The following POLA1 variants were observed in gnomAD, a reference collection of about 807,000 sequenced individuals.
POLA1 encodes the protein DNA polymerase alpha catalytic subunit.
A neutral mutation model predicts 124.0 loss-of-function variants in POLA1; 15 were observed. The observed-to-expected ratio is 0.12, with a 90% CI of 0.08 to 0.19. The LOEUF is 0.19. Among genes scored for constraint, POLA1 ranks in the 10% least tolerant of loss-of-function variants. The pLI is 1.00. For missense variants in POLA1, 886 were observed against 1,103.4 expected, an observed-to-expected ratio of 0.80 and a Z score of 2.79; for synonymous variants, 408 against 389.4, an observed-to-expected ratio of 1.05 and a Z score of -0.56.
chrX:24,743,212 C>G lies in POLA1; in HGVS notation c.2467-18C>G, dbSNP rs772765169. ...ATTAGTTGCTGGCTGGTGAAGTTAT[C>G]TTTCCATTTGATATTAGGGAGATGA... is the stretch of plus-strand genomic sequence containing the variant. On this transcript the variant is annotated intron_variant, in intron 22 of 36. Coordinates refer to ENST00000379068, the MANE Select transcript of POLA1 (RefSeq NM_001330360.2). 1.2e-6 allele frequency: 1 copy of G among 837,152 alleles called. No homozygotes were observed. The highest frequency in any genetic ancestry group is 1.7e-6 in the Non-Finnish European group (1 of 577,283). 69.0% of individuals were successfully genotyped at this position (837,152 alleles called of 1,213,427 possible).
intron 36 of POLA1, among the ~76,000 whole-genome samples, chrX:24,936,855 C>A (rs750434912): frequency 7.1e-5 from 8 of 112,117 alleles, no homozygotes; most frequent in Non-Finnish European, 1.1e-4. Flanking sequence ...CATCGAAAAA[C>A]TGTTGCTGAA....
chrX:24,992,637 T>G (rs1019240899), intron 36 of POLA1, among the ~76,000 whole-genome samples: 1 of 112,715 alleles, frequency 8.9e-6, no homozygotes, highest in Non-Finnish European at 1.9e-5. Flanking sequence ...CCTCGTGGTT[T>G]CTAGTTCAGT....
chrX:24,947,104 C>T (rs2047970421), intron 36 of POLA1, among the ~76,000 whole-genome samples: 1 of 110,520 alleles, frequency 9.0e-6, no homozygotes, highest in Non-Finnish European at 1.9e-5. Context: ...ATAAATCAAA[C>T]TGATGCTCAG....
At chrX:24,945,562 C>A (rs959587451) in intron 36 of POLA1, among the ~76,000 whole-genome samples, 2 of 111,955 alleles carry the variant, frequency 1.8e-5, no homozygotes, top group Non-Finnish European at 3.8e-5. Flanking sequence ...AGTTCTCAGT[C>A]TTCCATACTT....
At chrX:24,763,259 A>C (rs1932831204) in intron 26 of POLA1, among the ~76,000 whole-genome samples, 1 of 110,763 alleles carries the variant, frequency 9.0e-6, no homozygotes, top group Non-Finnish European at 1.9e-5. Context: ...GATTTAAGAG[A>C]AAAAGTATCA....
At chrX:24,886,195 T>C (rs1214377513) in intron 34 of POLA1, among the ~76,000 whole-genome samples, 2 of 111,827 alleles carry the variant, frequency 1.8e-5, no homozygotes, top group Non-Finnish European at 3.8e-5. Context: ...AGTCTTTATG[T>C]GTGTGGACCT....
intron 36 of POLA1, among the ~76,000 whole-genome samples, chrX:24,936,710 T>G (rs2047853117): frequency 9.0e-6 from 1 of 111,394 alleles, no homozygotes; most frequent in Non-Finnish European, 1.9e-5. Context: ...TTTTTGTGTT[T>G]TTAGTAGAGA....
chrX:24,868,576 G>A (rs182830275), intron 34 of POLA1, among the ~76,000 whole-genome samples: 78 of 111,812 alleles, frequency 7.0e-4, no homozygotes, highest in African/African-American at 2.5e-3. Flanking sequence ...AGGAAGCCTG[G>A]TTACCCACCA....
At chrX:24,743,433 C>T (rs1931797850) in intron 23 of POLA1, 104 bp downstream of exon 23, 1 of 400,497 alleles carries the variant, frequency 2.5e-6, no homozygotes. Flanking sequence ...TATAGATCAG[C>T]GAATAGGTCT....
intron 36 of POLA1, among the ~76,000 whole-genome samples, chrX:24,984,262 A>C (rs775240271): frequency 2.7e-5 from 3 of 112,341 alleles, no homozygotes; most frequent in East Asian, 2.8e-4. Context: ...TTGGTAGCTG[A>C]AACTGTGCAT....
At chrX:24,976,550 C>T in intron 36 of POLA1, among the ~76,000 whole-genome samples, 1 of 112,336 alleles carries the variant, frequency 8.9e-6, no homozygotes. Context: ...AGCTAAGGTG[C>T]TCCTGTCACT....
chrX:24,715,376 C>G (rs914267363), intron 6 of POLA1, among the ~76,000 whole-genome samples, 173 bp downstream of exon 6: 2 of 111,521 alleles, frequency 1.8e-5, no homozygotes, highest in Non-Finnish European at 3.8e-5. Flanking sequence ...GTTGCAACCT[C>G]TGATTCCCAG....
chrX:24,745,066 ATT>A (rs757505679), intron 23 of POLA1, among the ~76,000 whole-genome samples: 1 of 98,427 alleles, frequency 1.0e-5, no homozygotes, highest in Non-Finnish European at 2.1e-5. Context: ...AGAGTTGAAC[ATT>A]TTTTTTTTTT....
intron 15 of POLA1, among the ~76,000 whole-genome samples, chrX:24,730,092 C>T (rs971983897): frequency 1.8e-5 from 2 of 111,283 alleles, no homozygotes; most frequent in East Asian, 2.8e-4. Context: ...CCACTGCACC[C>T]GGCGTGATCT....
In POLA1 at chrX:24,788,607, T is replaced by C. The variant is rs770574678; in HGVS notation, c.2965-21291T>C. Reference sequence around the variant, plus strand: ...CTGACGCGCTCCTCTAATTTCGCCATATCTGTCTCATCATCCCAAGGTTTC... The same window carrying C: ...CTGACGCGCTCCTCTAATTTCGCCACATCTGTCTCATCATCCCAAGGTTTC... On this transcript the variant is annotated intron_variant, in intron 26 of 36. Transcript: ENST00000379068. 2.2e-5 allele frequency: 26 copies of C among 1,191,291 alleles called. No homozygotes were observed. In the East Asian group the frequency reaches 6.5e-4, roughly 30 times the overall value.
chrX:24,789,106 AAG>A (rs1452663033), intron 26 of POLA1: 2 of 1,159,866 alleles, frequency 1.7e-6, no homozygotes, highest in Non-Finnish European at 2.4e-6. Flanking sequence ...GAGCAGCAGA[AAG>A]AGCCCACTTT....
chrX:24,719,995 T>C (rs964799462), intron 10 of POLA1, among the ~76,000 whole-genome samples: 8 of 109,900 alleles, frequency 7.3e-5, no homozygotes, highest in Non-Finnish European at 1.1e-4. Flanking sequence ...TCAGTCGTCA[T>C]TAAAAAAAAA....
intron 36 of POLA1, among the ~76,000 whole-genome samples, chrX:24,954,514 A>G (rs1414570428): frequency 8.9e-6 from 1 of 112,386 alleles, no homozygotes; most frequent in African/African-American, 3.2e-5. Flanking sequence ...TCATACATTC[A>G]CACTTTACAG....
intron 1 of POLA1, among the ~76,000 whole-genome samples, chrX:24,694,369 C>T (rs1217915216): frequency 8.9e-6 from 1 of 112,910 alleles, no homozygotes; most frequent in Admixed American, 9.3e-5. Flanking sequence ...CACTTGAAGG[C>T]TTGAACAGAA....
Sources: allele counts gnomAD v4.1 joint callset (sites outside exome capture counted in the v4.1 genomes callset), GRCh38; gene constraint gnomAD v4.1.1; transcripts MANE v1.5; gene names NCBI Gene and HGNC (gene_info 2026-07-23, HGNC 2026-07-21).